The following BABAM2 variants were observed in gnomAD, a reference collection of about 807,000 sequenced individuals.
BABAM2 encodes the protein BRISC and BRCA1-A complex member 2.
BABAM2 carries 31 observed loss-of-function variants against 54.7 expected under a neutral mutation model. That is an observed-to-expected ratio of 0.57 (90% CI 0.43 to 0.77). The LOEUF (loss-of-function observed/expected upper bound fraction) is 0.77. BABAM2 is among the 30% of genes least tolerant of loss of function. The pLI is 0.00. For missense variants in BABAM2, 364 were observed against 455.8 expected (o/e 0.80, Z 1.83); for synonymous variants, 167 against 162.9 (o/e 1.03, Z -0.19).
intron 7 of BABAM2, among the ~76,000 whole-genome samples, chr2:28,131,370 C>A (rs62140456): frequency 0.54 from 37,688 of 69,578 alleles, 11,059 homozygotes; most frequent in Middle Eastern, 0.72. Flanking sequence ...CGTGAGCCAC[C>A]GCGCCCGGCC....
intron 4 of BABAM2, among the ~76,000 whole-genome samples, chr2:28,008,856 A>G (rs1415595768): frequency 6.6e-6 from 1 of 152,084 alleles, no homozygotes; most frequent in Non-Finnish European, 1.5e-5. Context: ...AGCAAGAGTG[A>G]TGTTGGCTCT....
chr2:27,944,550 T>C (rs779391053), intron 3 of BABAM2, among the ~76,000 whole-genome samples: 4 of 152,222 alleles, frequency 2.6e-5, no homozygotes, highest in African/African-American at 4.8e-5. Context: ...CCATGTTACA[T>C]CAGTACTTTG....
intron 3 of BABAM2, among the ~76,000 whole-genome samples, chr2:27,951,799 C>G (rs1427347010): frequency 6.6e-6 from 1 of 152,082 alleles, no homozygotes; most frequent in East Asian, 1.9e-4. Flanking sequence ...TTGGTGCACC[C>G]ATCACTGGAG....
intron 10 of BABAM2, among the ~76,000 whole-genome samples, chr2:28,250,106 G>C (rs949500102): frequency 1.3e-5 from 2 of 152,136 alleles, no homozygotes; most frequent in African/African-American, 2.4e-5. Flanking sequence ...GTGAGGAGAT[G>C]CTGTGAGGTC....
At chr2:28,047,729 C>T (rs1195717819) in intron 6 of BABAM2, among the ~76,000 whole-genome samples, 2 of 152,180 alleles carry the variant, frequency 1.3e-5, no homozygotes, top group Non-Finnish European at 2.9e-5. Context: ...GAAATGATGT[C>T]TCTTCTATAG....
At chr2:28,282,692 T>C (rs1412976878) in intron 10 of BABAM2, among the ~76,000 whole-genome samples, 1 of 152,134 alleles carries the variant, frequency 6.6e-6, no homozygotes, top group Admixed American at 6.5e-5. Flanking sequence ...TTTCCTCCTT[T>C]TTCTTAGCAT....
chr2:28,331,724 GTAAA>G (rs1690974422), intron 11 of BABAM2, among the ~76,000 whole-genome samples: 1 of 152,224 alleles, frequency 6.6e-6, no homozygotes, highest in African/African-American at 2.4e-5. Flanking sequence ...TGGTGGGAAT[GTAAA>G]TTAGTTTGGC....
At chr2:28,295,543 C>T (rs1279418507) in intron 10 of BABAM2, among the ~76,000 whole-genome samples, 6 of 151,896 alleles carry the variant, frequency 4.0e-5, no homozygotes, top group Non-Finnish European at 8.8e-5. Context: ...TTGCTCAAGC[C>T]GGAGTCCAGT....
At chr2:28,117,688 C>T (rs1204299427) in intron 6 of BABAM2, among the ~76,000 whole-genome samples, 1 of 152,168 alleles carries the variant, frequency 6.6e-6, no homozygotes, top group Non-Finnish European at 1.5e-5. Flanking sequence ...TACATTTAGT[C>T]ACAAATCTTG....
intron 11 of BABAM2, among the ~76,000 whole-genome samples, chr2:28,300,286 G>C (rs184787778): frequency 9.9e-5 from 15 of 152,206 alleles, no homozygotes; most frequent in Admixed American, 9.2e-4. Flanking sequence ...AAACCAGACT[G>C]CCTCAGATTT....
intron 6 of BABAM2, among the ~76,000 whole-genome samples, chr2:28,076,203 G>A (rs1398415762): frequency 6.6e-6 from 1 of 152,042 alleles, no homozygotes; most frequent in Non-Finnish European, 1.5e-5. Flanking sequence ...GAGCCTGGGA[G>A]GTCAAGGCTG....
At chr2:27,906,826 C>T (rs1197678788) in intron 2 of BABAM2, among the ~76,000 whole-genome samples, 1 of 152,138 alleles carries the variant, frequency 6.6e-6, no homozygotes, top group African/African-American at 2.4e-5. Context: ...AAAATCACTT[C>T]CACTGTTGTC....
At chr2:28,174,053 C>A (rs2147858975) in intron 7 of BABAM2, among the ~76,000 whole-genome samples, 1 of 152,240 alleles carries the variant, frequency 6.6e-6, no homozygotes, top group East Asian at 1.9e-4. Flanking sequence ...GGGATGAGAT[C>A]CCTTGCTTTT....
At chr2:27,929,973 T>C in intron 3 of BABAM2, 65 bp downstream of exon 3, 1 of 1,459,270 alleles carries the variant, frequency 6.9e-7, no homozygotes, top group Non-Finnish European at 9.6e-7. Context: ...GACTTTGTGC[T>C]TTAGTTTTCA....
chr2:28,105,442 G>C (rs1339023800), intron 6 of BABAM2, among the ~76,000 whole-genome samples: 1 of 152,176 alleles, frequency 6.6e-6, no homozygotes, highest in East Asian at 1.9e-4. Flanking sequence ...ACAATGAAGA[G>C]CGTGGTGCCA....
intron 3 of BABAM2, among the ~76,000 whole-genome samples, chr2:27,955,802 A>C (rs1670040592): frequency 6.6e-6 from 1 of 152,222 alleles, no homozygotes; most frequent in Non-Finnish European, 1.5e-5. Flanking sequence ...CTGGATTTTC[A>C]AACTATACGA....
intron 4 of BABAM2, among the ~76,000 whole-genome samples, chr2:28,020,326 A>G (rs575278588): frequency 5.6e-4 from 86 of 152,340 alleles, no homozygotes; most frequent in African/African-American, 2.0e-3. Context: ...GAAGTATGCT[A>G]TTATGTTTTC....
intron 7 of BABAM2, among the ~76,000 whole-genome samples, chr2:28,235,895 A>G (rs1681864329): frequency 6.6e-6 from 1 of 151,244 alleles, no homozygotes; most frequent in African/African-American, 2.4e-5. Context: ...CCTAGACTCA[A>G]GTGATTTGCC....
intron 4 of BABAM2, among the ~76,000 whole-genome samples, chr2:28,024,146 T>C (rs908806886): frequency 2.6e-5 from 4 of 152,146 alleles, no homozygotes; most frequent in African/African-American, 9.7e-5. Context: ...GGCTCACGCC[T>C]CTAATCCCAG....
Sources: allele counts gnomAD v4.1 joint callset (sites outside exome capture counted in the v4.1 genomes callset), GRCh38; gene constraint gnomAD v4.1.1; transcripts MANE v1.5; gene names NCBI Gene and HGNC (gene_info 2026-07-23, HGNC 2026-07-21).